NME9: variants seen among roughly 807,000 people sequenced by gnomAD.
NME9 encodes the protein NME/NM23 family member 9.
NME9 carries 48 observed loss-of-function variants against 44.4 expected under a neutral mutation model. The observed-to-expected ratio is 1.08, with a 90% CI of 0.86 to 1.37. The LOEUF (loss-of-function observed/expected upper bound fraction) is 1.37, where lower values mean the gene tolerates loss of function less well. Ranked by LOEUF, NME9 falls within the 40% of genes most tolerant of loss-of-function variation. NME9 has a pLI of 0.00. For missense variants in NME9, 325 were observed against 405.2 expected, an observed-to-expected ratio of 0.80 and a Z score of 1.70; for synonymous variants, 139 against 147.1, an observed-to-expected ratio of 0.94 and a Z score of 0.40.
At chr3:138,281,850 A>G (rs1338544035) in intron 8 of NME9, among the ~76,000 whole-genome samples, 2 of 152,172 alleles carry the variant, frequency 1.3e-5, no homozygotes, top group Non-Finnish European at 2.9e-5. Flanking sequence ...AGGAGAGTCT[A>G]AAAGTGTTTA....
At chr3:138,317,838 G>T (rs940185606) in intron 4 of NME9, among the ~76,000 whole-genome samples, 2 of 152,150 alleles carry the variant, frequency 1.3e-5, no homozygotes, top group Admixed American at 6.5e-5. Flanking sequence ...AGTCAGGAAG[G>T]TTGCCCCAGC....
At chr3:138,285,267 G>A (rs1018624705) in intron 8 of NME9, among the ~76,000 whole-genome samples, 1 of 152,148 alleles carries the variant, frequency 6.6e-6, no homozygotes, top group African/African-American at 2.4e-5. Flanking sequence ...CCCCATTACA[G>A]TTAGTGATGA....
chr3:138,266,568 T>C (rs2048306207), intron 8 of NME9, among the ~76,000 whole-genome samples: 5 of 152,222 alleles, frequency 3.3e-5, no homozygotes, highest in Admixed American at 3.3e-4. Context: ...TAAATAGTTC[T>C]ATCAAGGAGG....
In NME9 at chr3:138,318,356, G is replaced by A. The variant is rs987830718; in HGVS notation, c.196-137C>T. On this transcript the variant is annotated intron_variant, in intron 3 of 10. Transcript: ENST00000333911. ...TAGAGCCCCGATTTGCTCTCATGCTGTTCCTGCTAATCAGAGCTGTCCTAT... is the reference window on the plus strand; with the variant it reads ...TAGAGCCCCGATTTGCTCTCATGCTATTCCTGCTAATCAGAGCTGTCCTAT... The A allele has an allele frequency of 1.0e-5, 7 of 677,602 alleles. No homozygotes were observed. The African/African-American group carries it at 1.1e-4, about 10-fold the overall frequency. 42.0% of individuals were successfully genotyped at this position (677,602 alleles called of 1,614,324 possible).
chr3:138,292,967 G>A (rs1180176578), intron 8 of NME9, among the ~76,000 whole-genome samples: 2 of 152,142 alleles, frequency 1.3e-5, no homozygotes, highest in Non-Finnish European at 2.9e-5. Context: ...GACGGTGGCC[G>A]TTTATCCTTC....
intron 8 of NME9, chr3:138,290,461 T>C: frequency 9.9e-7 from 1 of 1,013,820 alleles, no homozygotes. Flanking sequence ...TGAAGGACAC[T>C]GGTAAGGCTC....
At chr3:138,261,860 A>C (rs960295770) in exon 9 of NME9, 1 of 152,230 alleles carries the variant, frequency 6.6e-6, no homozygotes, top group African/African-American at 2.4e-5. Flanking sequence ...GGGAAGTTGC[A>C]ATGTGTGTCC....
intron 8 of NME9, among the ~76,000 whole-genome samples, chr3:138,265,707 ACCTTTATGACT>A (rs1475953307): frequency 2.0e-5 from 3 of 152,002 alleles, no homozygotes; most frequent in Non-Finnish European, 4.4e-5. Context: ...CGGCAAGTAT[ACCTTTATGACT>A]CTAGTGGAGC....
At chr3:138,295,933 G>A (rs752942429) in intron 8 of NME9, 3 of 1,603,230 alleles carry the variant, frequency 1.9e-6, no homozygotes, top group East Asian at 4.5e-5. Flanking sequence ...CCACCTCCTT[G>A]TTTAAGGAAG....
rs180774394 is a variant in NME9 at position 138,264,270 on chromosome 3, G to A, written c.746-1684C>T. The A allele has an allele frequency of 3.0e-5, 41 of 1,358,986 alleles. No individual in the cohort carries two copies. The East Asian group carries it at 9.0e-4, about 30-fold the overall frequency. 84.2% of individuals were successfully genotyped at this position (1,358,986 alleles called of 1,614,324 possible). A position where few individuals can be genotyped will look rare whatever the true frequency, so the allele number is the denominator to read the frequency against. On this transcript the variant is annotated intron_variant, in intron 8 of 8. Coordinates refer to the NME9 transcript ENST00000317876. Reference sequence around the variant, plus strand: ...ACTCACAGACCCTAGAGTGAGCTGAGCTAGCTAACACTACTCCCTGGTCTA... The same window carrying A: ...ACTCACAGACCCTAGAGTGAGCTGAACTAGCTAACACTACTCCCTGGTCTA...
intron 8 of NME9, chr3:138,267,229 T>A: frequency 6.4e-7 from 1 of 1,567,764 alleles, no homozygotes; most frequent in Non-Finnish European, 8.7e-7. Context: ...TTGAATTTTC[T>A]CCAAGCAAAG....
At chr3:138,275,286 A>C (rs1267424608) in intron 8 of NME9, among the ~76,000 whole-genome samples, 1 of 152,164 alleles carries the variant, frequency 6.6e-6, no homozygotes, top group East Asian at 1.9e-4. Context: ...GGACGGGTAC[A>C]GTGGCTCATG....
chr3:138,278,754 G>T lies in NME9; in HGVS notation c.746-16168C>A, dbSNP rs76891342. Among the ~76,000 whole-genome samples the T allele has an allele frequency of 6.1e-3, 927 of 152,192 alleles. 9 individuals are homozygous for T. Among genetic ancestry groups the T allele is most frequent in the Non-Finnish European group, 9.6e-3 (655 of 67,988 alleles). On this transcript the variant is annotated intron_variant, in intron 8 of 8. Transcript: ENST00000317876. ...CTTATAGCAGTGTTTTGTAGTTTTTGATATATAGGTCTTGCACTCTTGGTC... is the reference window on the plus strand; with the variant it reads ...CTTATAGCAGTGTTTTGTAGTTTTTTATATATAGGTCTTGCACTCTTGGTC...
At chr3:138,303,306 A>G (rs1481121387) in intron 10 of NME9, 6 of 424,260 alleles carry the variant, frequency 1.4e-5, no homozygotes, top group Non-Finnish European at 2.5e-5. Context: ...ATTAAAAAGC[A>G]ACACTGTTGC....
At chr3:138,319,727 G>A in intron 2 of NME9, 146 bp from the exon 3 acceptor site, 1 of 608,076 alleles carries the variant, frequency 1.6e-6, no homozygotes, top group Non-Finnish European at 3.0e-6. Flanking sequence ...ACTATCCCAT[G>A]AGATTATAAG....
chr3:138,301,135 A>G lies in NME9; in HGVS notation c.*505T>C, dbSNP rs1464642917. ...ATTTTGTAAAATCCCAAAGACAGAGAAAAAAAACTGCGTTCTACATACTGT... is the reference window on the plus strand; with the variant it reads ...ATTTTGTAAAATCCCAAAGACAGAGGAAAAAAACTGCGTTCTACATACTGT... On this transcript the variant is annotated 3_prime_UTR_variant, in exon 11 of 11. Coordinates refer to ENST00000333911, the MANE Select transcript of NME9 (RefSeq NM_001349018.2). 26 of 964,188 alleles carry G rather than the reference A, an allele frequency of 2.7e-5. No individual in the cohort carries two copies. In the East Asian group the frequency reaches 1.0e-3, roughly 38 times the overall value. 59.7% of individuals were successfully genotyped at this position (964,188 alleles called of 1,614,324 possible). A position where few individuals can be genotyped will look rare whatever the true frequency, so the allele number is the denominator to read the frequency against.
chr3:138,299,680 C>A (rs1211650777), downstream of NME9, among the ~76,000 whole-genome samples: 1 of 152,174 alleles, frequency 6.6e-6, no homozygotes, highest in South Asian at 2.1e-4. Context: ...ACCATTCCTC[C>A]CACTCCTGCC....
chr3:138,284,440 A>G, intron 8 of NME9: 2 of 1,613,152 alleles, frequency 1.2e-6, no homozygotes, highest in Non-Finnish European at 1.7e-6. Flanking sequence ...GACACTGTGC[A>G]TCTTAGCCAA....
At chr3:138,298,639 T>G (rs973484364), downstream of NME9, among the ~76,000 whole-genome samples, 4 of 152,008 alleles carry the variant, frequency 2.6e-5, no homozygotes, top group African/African-American at 7.3e-5. Context: ...CCACAAGATA[T>G]CCCATCCCCA....
Sources: gnomAD v4.1 joint callset for allele counts (sites outside exome capture counted in the v4.1 genomes callset) on GRCh38, gnomAD v4.1.1 for gene constraint, MANE v1.5 for transcripts, NCBI Gene and HGNC (gene_info 2026-07-23, HGNC 2026-07-21) for gene names.